The following MYO1D variants were observed in gnomAD, a reference collection of about 807,000 sequenced individuals.
The protein encoded by MYO1D is unconventional myosin-Id.
MYO1D carries 83 observed loss-of-function variants against 122.0 expected under a neutral mutation model. The observed-to-expected ratio is 0.68, with a 90% CI of 0.57 to 0.82. The LOEUF (loss-of-function observed/expected upper bound fraction) is 0.82, where lower values mean the gene tolerates loss of function less well. Ranked by LOEUF, MYO1D falls within the 40% of genes least tolerant of loss-of-function variation. MYO1D has a pLI of 0.00. For synonymous variants in MYO1D, 464 were observed against 446.9 expected (o/e 1.04, Z -0.48); for missense variants, 1,157 against 1,269.5 (o/e 0.91, Z 1.35).
At chr17:32,636,362 T>C (rs60463353) in intron 20 of MYO1D, among the ~76,000 whole-genome samples, 12,718 of 152,294 alleles carry the variant, frequency 0.084, 677 homozygotes, top group East Asian at 0.19. Context: ...TCTTAAACTT[T>C]GTTTTTAATT....
At chr17:32,552,415 T>C (rs12936499) in intron 21 of MYO1D, among the ~76,000 whole-genome samples, 29,762 of 134,890 alleles carry the variant, frequency 0.22, 3,178 homozygotes, top group Non-Finnish European at 0.28. Context: ...CATCCATCCA[T>C]CCACCCATCC....
At chr17:32,630,196 C>T (rs1312764006) in intron 20 of MYO1D, among the ~76,000 whole-genome samples, 2 of 152,028 alleles carry the variant, frequency 1.3e-5, no homozygotes, top group African/African-American at 4.8e-5. Context: ...AGAAATGAAT[C>T]CCCGGTAGCA....
At chr17:32,850,399 T>A (rs992267819) in intron 1 of MYO1D, among the ~76,000 whole-genome samples, 7 of 152,220 alleles carry the variant, frequency 4.6e-5, no homozygotes, top group South Asian at 2.1e-4. Flanking sequence ...CCTGAACTAC[T>A]GCACTACTCT....
At chr17:32,532,493 T>A (rs1910535987) in intron 21 of MYO1D, among the ~76,000 whole-genome samples, 1 of 152,044 alleles carries the variant, frequency 6.6e-6, no homozygotes, top group Non-Finnish European at 1.5e-5. Context: ...TTTGGGAGGC[T>A]GAGGTGGGTG....
chr17:32,681,109 A>AT (rs1266518081), intron 16 of MYO1D, among the ~76,000 whole-genome samples: 1 of 151,802 alleles, frequency 6.6e-6, no homozygotes, highest in Non-Finnish European at 1.5e-5. Context: ...CCCCTTTATC[A>AT]TTTTTTATTG....
At chr17:32,635,709 G>C (rs1215419946) in intron 20 of MYO1D, among the ~76,000 whole-genome samples, 1 of 151,998 alleles carries the variant, frequency 6.6e-6, no homozygotes, top group African/African-American at 2.4e-5. Flanking sequence ...CGGGGGGGTG[G>C]AAAGAAACAT....
intron 20 of MYO1D, among the ~76,000 whole-genome samples, chr17:32,624,848 T>C (rs1177775751): frequency 3.3e-5 from 5 of 151,692 alleles, no homozygotes. Flanking sequence ...TGGTATGCAA[T>C]GGCGCGATCT....
At chr17:32,571,718 A>T (rs2150895836) in intron 21 of MYO1D, among the ~76,000 whole-genome samples, 1 of 152,326 alleles carries the variant, frequency 6.6e-6, no homozygotes, top group East Asian at 1.9e-4. Flanking sequence ...TCCCCTGTTC[A>T]ATTAATTTTG....
At chr17:32,705,605 T>C (rs1045423789) in intron 16 of MYO1D, among the ~76,000 whole-genome samples, 11 of 152,332 alleles carry the variant, frequency 7.2e-5, no homozygotes, top group Admixed American at 5.9e-4. Context: ...ATGGTTTAGA[T>C]GATGATAGTG....
At chr17:32,610,055 T>C (rs927450889) in intron 20 of MYO1D, among the ~76,000 whole-genome samples, 26 of 152,194 alleles carry the variant, frequency 1.7e-4, no homozygotes, top group African/African-American at 6.0e-4. Context: ...CCTAAAGAAA[T>C]GAGAATGGTA....
At chr17:32,534,536 C>T (rs1407688941) in intron 21 of MYO1D, among the ~76,000 whole-genome samples, 1 of 152,160 alleles carries the variant, frequency 6.6e-6, no homozygotes, top group Admixed American at 6.5e-5. Context: ...TATAGACACA[C>T]AGCAAAGATT....
At chr17:32,517,285 G>A (rs559815310) in intron 21 of MYO1D, among the ~76,000 whole-genome samples, 3 of 152,308 alleles carry the variant, frequency 2.0e-5, no homozygotes, top group African/African-American at 7.2e-5. Flanking sequence ...GATGGGATCC[G>A]GAGGCATTTT....
chr17:32,506,425 A>G (rs531712429), intron 21 of MYO1D, among the ~76,000 whole-genome samples: 14 of 152,184 alleles, frequency 9.2e-5, no homozygotes, highest in African/African-American at 3.4e-4. Context: ...GGCTCCCTTC[A>G]GGCAAGCACA....
chr17:32,631,001 T>C (rs1025606256), intron 20 of MYO1D, among the ~76,000 whole-genome samples: 30 of 152,190 alleles, frequency 2.0e-4, no homozygotes, highest in African/African-American at 7.2e-4. Context: ...TCATACTGGA[T>C]TAGGGCCCAC....
chr17:32,764,281 G>C (rs2090031981), intron 8 of MYO1D, among the ~76,000 whole-genome samples: 1 of 152,198 alleles, frequency 6.6e-6, no homozygotes. Context: ...GGGGTGGATG[G>C]AGAAAGTGTG....
At chr17:32,569,392 C>A (rs141555159) in intron 21 of MYO1D, among the ~76,000 whole-genome samples, 67 of 152,360 alleles carry the variant, frequency 4.4e-4, no homozygotes, top group African/African-American at 1.5e-3. Flanking sequence ...GCCTCTTGTA[C>A]TTTAACTTAC....
chr17:32,653,301 T>TG (rs1380614383), intron 19 of MYO1D, among the ~76,000 whole-genome samples: 5 of 151,792 alleles, frequency 3.3e-5, no homozygotes, highest in Non-Finnish European at 4.4e-5. Context: ...TTTTGTTTTT[T>TG]TTTTCTAGTT....
intron 16 of MYO1D, among the ~76,000 whole-genome samples, chr17:32,676,491 T>C (rs191304327): frequency 7.9e-5 from 12 of 152,236 alleles, no homozygotes; most frequent in African/African-American, 2.9e-4. Flanking sequence ...CTGGCCATGG[T>C]TACTGGTTCA....
At chr17:32,741,887 C>T (rs572496352) in intron 13 of MYO1D, among the ~76,000 whole-genome samples, 14 of 151,724 alleles carry the variant, frequency 9.2e-5, no homozygotes, top group South Asian at 4.2e-4. Context: ...TGGTGGTGGG[C>T]GCCTGTAGTC....
Sources: allele counts gnomAD v4.1 joint callset (sites outside exome capture counted in the v4.1 genomes callset), GRCh38; gene constraint gnomAD v4.1.1; transcripts MANE v1.5; gene names NCBI Gene and HGNC (gene_info 2026-07-23, HGNC 2026-07-21).